Variants in ABCB10 observed in about 807,000 individuals in gnomAD.
ABCB10 encodes ATP-binding cassette sub-family B member 10, mitochondrial.
Under a neutral mutation model 65.4 loss-of-function variants are expected in ABCB10, and 54 were observed. That is an observed-to-expected ratio of 0.83 (90% CI 0.66 to 1.04). ABCB10 has a LOEUF of 1.04. Ranked by LOEUF, ABCB10 falls within the 50% of genes least tolerant of loss-of-function variation. The pLI, the probability that ABCB10 is intolerant of heterozygous loss-of-function variation, is 0.00. For missense variants in ABCB10, 846 were observed against 976.6 expected (o/e 0.87, Z 1.78); for synonymous variants, 418 against 406.5 (o/e 1.03, Z -0.34).
intron 12 of ABCB10, 88 bp from the exon 13 acceptor site, chr1:229,518,498 T>C: frequency 2.7e-6 from 3 of 1,102,920 alleles, no homozygotes; most frequent in Non-Finnish European, 4.0e-6. Context: ...TCCTGAGCAA[T>C]GAATTTTTAC....
chr1:229,541,430 T>C (rs1662840535), intron 4 of ABCB10, among the ~76,000 whole-genome samples: 1 of 152,128 alleles, frequency 6.6e-6, no homozygotes, highest in Admixed American at 6.6e-5. Context: ...TTTCACCATG[T>C]TGGCCAGGCT....
intron 10 of ABCB10, among the ~76,000 whole-genome samples, chr1:229,523,722 G>A (rs536079276): frequency 3.3e-5 from 5 of 152,286 alleles, no homozygotes; most frequent in Admixed American, 6.5e-5. Context: ...TGGTTACTTC[G>A]CTGAGAAACG....
chr1:229,550,112 T>C (rs144755595), intron 1 of ABCB10: 25 of 152,458 alleles, frequency 1.6e-4, no homozygotes, highest in African/African-American at 6.0e-4. Flanking sequence ...AAACATGTGA[T>C]ATATTGCTTC....
chr1:229,552,617 A>C (rs1663144699), intron 1 of ABCB10, among the ~76,000 whole-genome samples: 1 of 152,188 alleles, frequency 6.6e-6, no homozygotes, highest in Non-Finnish European at 1.5e-5. Flanking sequence ...GAAGCTGTAC[A>C]CTGTGCCTAC....
intron 8 of ABCB10, among the ~76,000 whole-genome samples, chr1:229,529,667 CAAAAAAAAAAAAAAAAA>C (rs969766089): frequency 4.3e-5 from 1 of 23,210 alleles, no homozygotes; most frequent in Non-Finnish European, 8.1e-5. Flanking sequence ...AAGACTGTCT[CAAAAAAAAAAAAAAAAA>C]AAAAAAAAAG....
chr1:229,518,865 AT>A lies in ABCB10; in HGVS notation c.1960del (p.Ile654PhefsTer4). The A allele has an allele frequency of 6.2e-7, 1 of 1,601,036 alleles. No homozygotes were observed. Among genetic ancestry groups the A allele is most frequent in the South Asian group, 1.1e-5 (1 of 87,366 alleles). On this transcript the variant is annotated frameshift_variant, in exon 12 of 13. Transcript: ENST00000344517. LOFTEE classifies it high-confidence loss of function. ...CCTGGTTGCTTCATCTAGGAGAAGA[AT>A]TTTGGGATTCTGAAGAAGGAAAAAA... ...IARALLKNPK[I>X]LLLDEATSAL...
intron 8 of ABCB10, 124 bp downstream of exon 8, chr1:229,530,075 C>A (rs1458830506): frequency 4.2e-6 from 4 of 956,936 alleles, no homozygotes; most frequent in Admixed American, 4.4e-5. Context: ...TTTCCACTGG[C>A]ACTTAGAAAA....
intron 8 of ABCB10, among the ~76,000 whole-genome samples, chr1:229,528,620 C>A (rs1466885121): frequency 6.6e-6 from 1 of 152,138 alleles, no homozygotes; most frequent in Non-Finnish European, 1.5e-5. Context: ...GACATGTAAC[C>A]AGCTCTCACA....
chr1:229,544,780 C>T (rs1402856922), intron 3 of ABCB10, among the ~76,000 whole-genome samples: 1 of 152,134 alleles, frequency 6.6e-6, no homozygotes, highest in Non-Finnish European at 1.5e-5. Flanking sequence ...GGGCCATGAT[C>T]CAATAGGATT....
chr1:229,532,874 G>A (rs1403687267), intron 6 of ABCB10, among the ~76,000 whole-genome samples: 1 of 152,168 alleles, frequency 6.6e-6, no homozygotes, highest in Admixed American at 6.5e-5. Context: ...GCAACAGAGC[G>A]AGACCCTGTC....
intron 10 of ABCB10, among the ~76,000 whole-genome samples, chr1:229,524,458 C>T (rs561280095): frequency 7.9e-5 from 12 of 151,924 alleles, no homozygotes; most frequent in Admixed American, 2.6e-4. Flanking sequence ...CCACCATGCC[C>T]GGCCAGGAAC....
intron 6 of ABCB10, among the ~76,000 whole-genome samples, chr1:229,537,687 G>A (rs1024334538): frequency 6.6e-6 from 1 of 152,194 alleles, no homozygotes; most frequent in Non-Finnish European, 1.5e-5. Flanking sequence ...CTACTTGGAA[G>A]GCTGAGGCAG....
At chr1:229,533,952 T>C (rs961582248) in intron 6 of ABCB10, among the ~76,000 whole-genome samples, 2 of 152,268 alleles carry the variant, frequency 1.3e-5, no homozygotes, top group African/African-American at 4.8e-5. Context: ...TAAAAATGTA[T>C]GCTTTGCAAA....
At chr1:229,519,869 T>C (rs1662262404) in intron 11 of ABCB10, among the ~76,000 whole-genome samples, 2 of 152,072 alleles carry the variant, frequency 1.3e-5, no homozygotes. Context: ...CTCACACCTG[T>C]AATCCCAACA....
chr1:229,550,906 C>T (rs1179234468), intron 1 of ABCB10, among the ~76,000 whole-genome samples: 1 of 151,610 alleles, frequency 6.6e-6, no homozygotes, highest in African/African-American at 2.4e-5. Flanking sequence ...TTAGTAACAA[C>T]ACATATCACA....
intron 1 of ABCB10, among the ~76,000 whole-genome samples, chr1:229,554,632 T>C (rs924552591): frequency 1.3e-5 from 2 of 152,202 alleles, no homozygotes; most frequent in African/African-American, 4.8e-5. Context: ...TAGTAAGATA[T>C]TTTACATTTT....
At position 229,517,985 on chromosome 1, in the gene ABCB10, C is replaced by T. The variant is rs1244875641; in HGVS notation, c.*194G>A. 1 of 568,506 alleles carries T rather than the reference C, an allele frequency of 1.8e-6. No homozygotes were observed. Among genetic ancestry groups the T allele is most frequent in the Non-Finnish European group, 3.1e-6 (1 of 322,022 alleles). The allele number at this position is 568,506 out of a possible 1,614,324, so 35.2% of individuals were successfully genotyped here. On this transcript the variant is annotated 3_prime_UTR_variant, in exon 13 of 13. Transcript: ENST00000344517. ...AGTGCTATAGACATTTAAAAAGTTA[C>T]AATTATTAAAACTCTGAATAAAAAG...
intron 6 of ABCB10, among the ~76,000 whole-genome samples, chr1:229,532,453 A>T (rs555478444): frequency 6.6e-6 from 1 of 152,218 alleles, no homozygotes; most frequent in Non-Finnish European, 1.5e-5. Context: ...TTTTAAAGAC[A>T]AATCCACAAA....
Position 229,518,102 on chromosome 1 carries a change from T to A in ABCB10, c.*77A>T. ...AATAACTTGATATATGGTTTATGTA[T>A]TTCATAGTCTCTGAGTTTTTTTTCT... On this transcript the variant is annotated 3_prime_UTR_variant, in exon 13 of 13. Coordinates refer to ENST00000344517, the MANE Select transcript of ABCB10 (RefSeq NM_012089.3). 1 of 1,060,682 alleles carries A rather than the reference T, an allele frequency of 9.4e-7. No homozygotes were observed. The highest frequency in any genetic ancestry group is 1.4e-6 in the Non-Finnish European group (1 of 706,524). 65.7% of individuals were successfully genotyped at this position (1,060,682 alleles called of 1,614,324 possible). A position where few individuals can be genotyped will look rare whatever the true frequency, so the allele number is the denominator to read the frequency against.
Sources: allele counts gnomAD v4.1 joint callset (sites outside exome capture counted in the v4.1 genomes callset), GRCh38; gene constraint gnomAD v4.1.1; transcripts MANE v1.5; gene names NCBI Gene and HGNC (gene_info 2026-07-23, HGNC 2026-07-21).